MYO5B: variants seen among roughly 807,000 people sequenced by gnomAD.
MYO5B encodes myosin VB.
MYO5B carries 143 observed loss-of-function variants against 229.3 expected under a neutral mutation model. That is an observed-to-expected ratio of 0.62 (90% CI 0.54 to 0.72). The LOEUF (loss-of-function observed/expected upper bound fraction) is 0.72. MYO5B is among the 30% of genes least tolerant of loss of function. MYO5B has a pLI of 0.00. For missense variants in MYO5B, 2,321 were observed against 2,331.0 expected (o/e 1.00, Z 0.09); for synonymous variants, 918 against 885.2 (o/e 1.04, Z -0.66).
chr18:50,097,558 G>C, intron 1 of MYO5B: 1 of 263,312 alleles, frequency 3.8e-6, no homozygotes, highest in Non-Finnish European at 7.5e-6. Context: ...CACTCATTTA[G>C]ATGTGTAAGT....
intron 4 of MYO5B, among the ~76,000 whole-genome samples, chr18:50,011,787 C>G (rs1182474049): frequency 2.6e-5 from 4 of 152,096 alleles, no homozygotes; most frequent in African/African-American, 9.7e-5. Context: ...TTCCCCCTCA[C>G]TGCTGCTGGA....
At chr18:50,032,556 T>C (rs1190284426) in intron 4 of MYO5B, among the ~76,000 whole-genome samples, 2 of 152,272 alleles carry the variant, frequency 1.3e-5, no homozygotes, top group African/African-American at 4.8e-5. Flanking sequence ...TTCCCTTTTA[T>C]GGCCAATAAT....
chr18:49,972,197 C>G (rs1440714823), intron 10 of MYO5B, among the ~76,000 whole-genome samples: 3 of 152,214 alleles, frequency 2.0e-5, no homozygotes, highest in South Asian at 2.1e-4. Flanking sequence ...GACAAGCCAT[C>G]CTTGCGATCT....
intron 4 of MYO5B, among the ~76,000 whole-genome samples, chr18:50,012,167 C>T (rs2026168919): frequency 6.6e-6 from 1 of 152,206 alleles, no homozygotes; most frequent in African/African-American, 2.4e-5. Flanking sequence ...TAAAATTCCA[C>T]AAGTGCTTCT....
At chr18:50,038,280 G>A (rs191682580) in intron 3 of MYO5B, among the ~76,000 whole-genome samples, 348 of 152,274 alleles carry the variant, frequency 2.3e-3, no homozygotes, top group Non-Finnish European at 3.9e-3. Flanking sequence ...ATGAAAGGGC[G>A]ACTGCTAAGA....
chr18:50,189,223 C>T (rs1322190017), intron 1 of MYO5B, among the ~76,000 whole-genome samples: 1 of 152,112 alleles, frequency 6.6e-6, no homozygotes, highest in Non-Finnish European at 1.5e-5. Flanking sequence ...GATCCTGAGA[C>T]AAGGATTCCT....
At chr18:50,182,533 A>G (rs2033087552) in intron 1 of MYO5B, among the ~76,000 whole-genome samples, 2 of 152,254 alleles carry the variant, frequency 1.3e-5, no homozygotes, top group South Asian at 4.1e-4. Context: ...TAGGATATTC[A>G]AACACAAGGC....
At chr18:49,956,904 G>T (rs2025498297) in intron 12 of MYO5B, among the ~76,000 whole-genome samples, 1 of 152,130 alleles carries the variant, frequency 6.6e-6, no homozygotes, top group South Asian at 2.1e-4. Context: ...ATTAGTGGTT[G>T]CCTGGGGCTG....
chr18:50,078,692 T>C (rs1281723472), intron 1 of MYO5B, among the ~76,000 whole-genome samples: 1 of 152,198 alleles, frequency 6.6e-6, no homozygotes, highest in African/African-American at 2.4e-5. Context: ...CTGCTAAAGC[T>C]GAGCATAAGA....
intron 1 of MYO5B, among the ~76,000 whole-genome samples, chr18:50,120,831 A>G (rs111770950): frequency 0.012 from 1,802 of 152,320 alleles, 23 homozygotes; most frequent in Middle Eastern, 0.02. Context: ...GCAGCTGATG[A>G]GCACTGCTAC....
rs10611314 is a variant in MYO5B, at chr18:49,881,800, C to CAA, written c.3046-1347_3046-1346dup. 4.7e-4 allele frequency among the ~76,000 whole-genome samples: 66 copies of CAA among 140,348 alleles called. 2 individuals carry two copies. The East Asian group carries it at 5.7e-3, about 12-fold the overall frequency. The allele number at this position is 140,348 out of a possible 152,430, so 92.1% of individuals were successfully genotyped here. ...CCTGGGAGACAGTGAGACTCCGTCT[C>CAA]AAAAAAAAAAAAAAAAAAGTGCGAA... On this transcript the variant is annotated intron_variant, in intron 22 of 39. Transcript: ENST00000285039.
At chr18:49,874,332 T>C (rs541707389) in intron 26 of MYO5B, among the ~76,000 whole-genome samples, 2 of 152,362 alleles carry the variant, frequency 1.3e-5, no homozygotes, top group East Asian at 3.9e-4. Flanking sequence ...AATGAATCTT[T>C]AGGTACAGCT....
At chr18:50,016,987 A>C (rs914952041) in intron 4 of MYO5B, among the ~76,000 whole-genome samples, 1 of 135,270 alleles carries the variant, frequency 7.4e-6, no homozygotes, top group African/African-American at 2.9e-5. Context: ...CTACTCCCCC[A>C]ATCTACCCTA....
At chr18:49,873,679 T>C (rs952287647) in intron 26 of MYO5B, among the ~76,000 whole-genome samples, 3 of 152,218 alleles carry the variant, frequency 2.0e-5, no homozygotes, top group African/African-American at 7.2e-5. Context: ...TACATTACAT[T>C]CTCAGAAAGT....
At chr18:50,160,194 C>A (rs560344820) in intron 1 of MYO5B, among the ~76,000 whole-genome samples, 12 of 152,364 alleles carry the variant, frequency 7.9e-5, no homozygotes, top group African/African-American at 2.4e-4. Flanking sequence ...GCACCTATGA[C>A]CCTAACGTAG....
chr18:49,954,552 A>T (rs1223264550), intron 12 of MYO5B, 117 bp from the exon 13 acceptor site: 2 of 1,327,008 alleles, frequency 1.5e-6, no homozygotes, highest in Non-Finnish European at 2.2e-6. Flanking sequence ...CAGCCCTCGA[A>T]CCAGGACCTT....
In MYO5B at chr18:49,904,844, A is replaced by C. The variant is rs1409165919; in HGVS notation, c.2415-16T>G. The C allele has an allele frequency of 1.2e-5, 20 of 1,612,990 alleles. No homozygotes were observed. The highest frequency in any genetic ancestry group is 1.7e-5 in the Non-Finnish European group (20 of 1,179,966). ...CTCAGCCAGCCTGGGGAGCAAGAGG[A>C]AACAGGCAGTGTCAGGGAGAGAGTA... On this transcript the variant is annotated splice_polypyrimidine_tract_variant and intron_variant, in intron 19 of 39. Coordinates refer to ENST00000285039, the MANE Select transcript of MYO5B (RefSeq NM_001080467.3).
At chr18:49,992,260 AC>A (rs1440879026) in intron 6 of MYO5B, 27 bp downstream of exon 6, 1 of 1,614,174 alleles carries the variant, frequency 6.2e-7, no homozygotes, top group South Asian at 1.1e-5. Flanking sequence ...TGAGAAATAC[AC>A]AAAAGGGCGC....
chr18:49,855,600 G>A (rs1731066480), intron 30 of MYO5B, among the ~76,000 whole-genome samples: 1 of 152,140 alleles, frequency 6.6e-6, no homozygotes. Context: ...ATTATTCCAT[G>A]GTTACGTATC....
Sources: gnomAD v4.1 joint callset for allele counts (sites outside exome capture counted in the v4.1 genomes callset) on GRCh38, gnomAD v4.1.1 for gene constraint, MANE v1.5 for transcripts, NCBI Gene and HGNC (gene_info 2026-07-23, HGNC 2026-07-21) for gene names.